Variants in CRYZL1 observed in about 807,000 individuals in gnomAD.
CRYZL1 encodes the protein crystallin zeta like 1.
CRYZL1 carries 34 observed loss-of-function variants against 50.6 expected under a neutral mutation model. That is an observed-to-expected ratio of 0.67 (90% CI 0.51 to 0.89). The LOEUF (loss-of-function observed/expected upper bound fraction) is 0.89, where lower values mean the gene tolerates loss of function less well. Ranked by LOEUF, CRYZL1 falls within the 40% of genes least tolerant of loss-of-function variation. CRYZL1 has a pLI of 0.00. For missense variants in CRYZL1, 354 were observed against 402.3 expected (o/e 0.88, Z 1.03); for synonymous variants, 125 against 134.3 (o/e 0.93, Z 0.48).
chr21:33,595,275 C>T, intron 11 of CRYZL1: 1 of 996,330 alleles, frequency 1.0e-6, no homozygotes, highest in Non-Finnish European at 1.3e-6. Context: ...ATTTATAAAA[C>T]ACTCCACAAA....
chr21:33,634,655 C>T (rs898892484), intron 1 of CRYZL1, among the ~76,000 whole-genome samples: 2 of 151,600 alleles, frequency 1.3e-5, no homozygotes, highest in African/African-American at 4.8e-5. Flanking sequence ...CTAGAATTGC[C>T]TTTTTGAGAA....
intron 8 of CRYZL1, among the ~76,000 whole-genome samples, chr21:33,600,953 T>TG (rs1200457288): frequency 2.2e-5 from 3 of 134,282 alleles, no homozygotes; most frequent in Non-Finnish European, 3.1e-5. Flanking sequence ...TTTTTTTTTT[T>TG]GGGGGCGGAC....
At chr21:33,633,921 C>T (rs1197031664) in intron 1 of CRYZL1, among the ~76,000 whole-genome samples, 1 of 152,096 alleles carries the variant, frequency 6.6e-6, no homozygotes, top group South Asian at 2.1e-4. Context: ...TAAAGCCAGC[C>T]CTCTGTGTTG....
chr21:33,609,382 CTCAACCTCCTAGGT>C (rs1357134764), intron 6 of CRYZL1, among the ~76,000 whole-genome samples: 1 of 152,116 alleles, frequency 6.6e-6, no homozygotes, highest in African/African-American at 2.4e-5. Flanking sequence ...TAACAGTAGC[CTCAACCTCCTAGGT>C]TCAAGCGATT....
chr21:33,595,837 C>T lies in CRYZL1; in HGVS notation c.799-1G>A, dbSNP rs1182265830. 1.3e-6 allele frequency: 2 copies of T among 1,597,090 alleles called. No individual in the cohort carries two copies. The highest frequency in any genetic ancestry group is 1.7e-6 in the Non-Finnish European group (2 of 1,164,548). On this transcript the variant is annotated splice_acceptor_variant, in intron 10 of 12. Transcript: ENST00000381554. LOFTEE classifies it high-confidence loss of function. ...GGCAGTGGCTATCTGGAGGATCCAA[C>T]TTGGATAGAATGAAACAAAGACTAA... is the stretch of plus-strand genomic sequence containing the variant.
In CRYZL1 at chr21:33,639,850, G is replaced by C. The variant is rs182802401; in HGVS notation, c.-7+1831C>G. Reference sequence around the variant, plus strand: ...ATTTTTTTTTTTTTTTTTGAGACAGGGTCTCACTCTGTTGCCCAGGCTAGA... The same window carrying C: ...ATTTTTTTTTTTTTTTTTGAGACAGCGTCTCACTCTGTTGCCCAGGCTAGA... On this transcript the variant is annotated intron_variant, in intron 1 of 12. Coordinates refer to ENST00000381554, the MANE Select transcript of CRYZL1 (RefSeq NM_145858.3). 1.4e-3 allele frequency: 260 copies of C among 188,036 alleles called. 2 individuals are homozygous for C. Among genetic ancestry groups the C allele is most frequent in the African/African-American group, 6.1e-3 (249 of 41,154 alleles). 11.6% of individuals were successfully genotyped at this position (188,036 alleles called of 1,614,324 possible).
intron 5 of CRYZL1, among the ~76,000 whole-genome samples, chr21:33,614,979 G>C (rs1050714050): frequency 1.1e-4 from 16 of 152,078 alleles, no homozygotes; most frequent in African/African-American, 3.9e-4. Flanking sequence ...GATTTCCTGA[G>C]CAGAATAAAA....
At chr21:33,627,902 G>A (rs948009661) in intron 2 of CRYZL1, among the ~76,000 whole-genome samples, 1 of 151,868 alleles carries the variant, frequency 6.6e-6, no homozygotes, top group South Asian at 2.1e-4. Flanking sequence ...ATGCCACCAC[G>A]CCTGGCTAAT....
chr21:33,605,073 TAA>T (rs930760321), intron 6 of CRYZL1, among the ~76,000 whole-genome samples: 1 of 152,224 alleles, frequency 6.6e-6, no homozygotes, highest in African/African-American at 2.4e-5. Context: ...CTCTGACTAC[TAA>T]AAGAGGTTGA....
intron 1 of CRYZL1, among the ~76,000 whole-genome samples, chr21:33,631,861 A>C (rs1475881522): frequency 4.6e-5 from 7 of 152,192 alleles, no homozygotes; most frequent in Non-Finnish European, 1.0e-4. Flanking sequence ...ATGGCCAGAG[A>C]AACTCAATTT....
Position 33,591,198 on chromosome 21 carries a change from T to C in CRYZL1, c.914A>G (p.Lys305Arg). 6.2e-7 allele frequency: 1 copy of C among 1,609,638 alleles called. No individual in the cohort carries two copies. The highest frequency in any genetic ancestry group is 8.5e-7 in the Non-Finnish European group (1 of 1,175,966). Residue 305 changes from lysine (K) to arginine (R), a missense_variant, in exon 12 of 13, where the codon AAG becomes AGG. Coordinates refer to ENST00000381554, the MANE Select transcript of CRYZL1 (RefSeq NM_145858.3). ...VQQGKYLCIL[K>R]DVMEKLSTGV... Reference sequence around the variant, plus strand: ...AGTTGATAACTTCTCCATCACATCCTTTAAGATACGTAGCTGGAAGGATTG... The same window carrying C: ...AGTTGATAACTTCTCCATCACATCCCTTAAGATACGTAGCTGGAAGGATTG...
At chr21:33,623,376 ATAACCATTATGCT>A (rs2087024300) in intron 3 of CRYZL1, among the ~76,000 whole-genome samples, 1 of 152,192 alleles carries the variant, frequency 6.6e-6, no homozygotes, top group Admixed American at 6.5e-5. Context: ...CACAGTTTTC[ATAACCATTATGCT>A]TAACAGATGT....
At chr21:33,619,745 C>T (rs1222716715) in intron 4 of CRYZL1, among the ~76,000 whole-genome samples, 3 of 152,122 alleles carry the variant, frequency 2.0e-5, no homozygotes, top group South Asian at 4.1e-4. Context: ...ATACCCTTGA[C>T]GCCTGCCCAG....
chr21:33,615,150 CTCTCTTT>C (rs1601338720), intron 5 of CRYZL1, among the ~76,000 whole-genome samples: 1 of 121,226 alleles, frequency 8.2e-6, no homozygotes, highest in Non-Finnish European at 1.6e-5. Flanking sequence ...TCTTTTCTTT[CTCTCTTT>C]TTTTTTTTTT....
chr21:33,639,920 G>A (rs1295925314), intron 1 of CRYZL1: 11 of 320,800 alleles, frequency 3.4e-5, no homozygotes, highest in Non-Finnish European at 4.7e-5. Flanking sequence ...CCGCCTCCCG[G>A]GTTCAAGCAA....
intron 9 of CRYZL1, among the ~76,000 whole-genome samples, chr21:33,598,411 A>T (rs1220265109): frequency 2.0e-5 from 3 of 152,242 alleles, no homozygotes; most frequent in Non-Finnish European, 4.4e-5. Context: ...AAATAGAAGC[A>T]CTTTGCAGGC....
chr21:33,613,763 G>A (rs188133209), intron 5 of CRYZL1, among the ~76,000 whole-genome samples, 157 bp from the exon 6 acceptor site: 3 of 152,346 alleles, frequency 2.0e-5, no homozygotes, highest in South Asian at 4.1e-4. Context: ...GATGGGAAGT[G>A]CACTGTGCCA....
intron 4 of CRYZL1, among the ~76,000 whole-genome samples, chr21:33,621,063 G>A (rs1384750015): frequency 3.4e-5 from 5 of 147,852 alleles, no homozygotes; most frequent in East Asian, 2.1e-4. Flanking sequence ...CCGCCACCTC[G>A]CCCGGCTAAT....
chr21:33,611,275 G>A (rs972023076), intron 6 of CRYZL1, among the ~76,000 whole-genome samples: 3 of 152,094 alleles, frequency 2.0e-5, no homozygotes, highest in African/African-American at 7.2e-5. Flanking sequence ...ATTTGAAAGA[G>A]GTCTTTATCT....
Sources: gnomAD v4.1 joint callset for allele counts (sites outside exome capture counted in the v4.1 genomes callset) on GRCh38, gnomAD v4.1.1 for gene constraint, MANE v1.5 for transcripts, NCBI Gene and HGNC (gene_info 2026-07-23, HGNC 2026-07-21) for gene names.